Variants in INSL6 observed in about 807,000 individuals in gnomAD.
The protein encoded by INSL6 is insulin like 6.
INSL6 carries 16 observed loss-of-function variants against 9.4 expected under a neutral mutation model. The ratio of observed to expected loss-of-function variants is 1.70; its 90% CI spans 1.15 to 2.59. The LOEUF is 2.59. Ranked by LOEUF, INSL6 falls within the 30% of genes most tolerant of loss-of-function variation. The pLI, the probability that INSL6 is intolerant of heterozygous loss-of-function variation, is 0.00. For missense variants in INSL6, 391 were observed against 257.3 expected (o/e 1.52, Z -3.56); for synonymous variants, 154 against 96.9 (o/e 1.59, Z -3.46).
At chr9:5,130,404 A>G (rs887464623) in intron 3 of INSL6, among the ~76,000 whole-genome samples, 3 of 152,234 alleles carry the variant, frequency 2.0e-5, no homozygotes, top group Non-Finnish European at 2.9e-5. Flanking sequence ...CAGATAGATC[A>G]AGGTGGTATG....
At chr9:5,126,308 A>G in intron 3 of INSL6, 1 of 1,501,716 alleles carries the variant, frequency 6.7e-7, no homozygotes, top group Non-Finnish European at 9.2e-7. Flanking sequence ...ATGTACAAAA[A>G]ATATTGAAAG....
At chr9:5,042,159 C>G in the INSL6 span, among the ~76,000 whole-genome samples, 1 of 124,258 alleles carries the variant, frequency 8.0e-6, no homozygotes, top group African/African-American at 3.1e-5. Context: ...GAGACGGAGT[C>G]TCGCTTTGTC....
the INSL6 span, chr9:5,085,344 A>AT: frequency 2.0e-5 from 18 of 888,406 alleles, no homozygotes; most frequent in Middle Eastern, 2.2e-4. Context: ...CTATTCCTAC[A>AT]TTTTTTCCGT....
the INSL6 span, among the ~76,000 whole-genome samples, chr9:5,034,384 A>C: frequency 1.3e-5 from 2 of 152,208 alleles, no homozygotes; most frequent in South Asian, 2.1e-4. Flanking sequence ...CTCTGGACCA[A>C]GCAGACCTAA....
At chr9:4,997,904 T>C in the INSL6 span, among the ~76,000 whole-genome samples, 1 of 152,154 alleles carries the variant, frequency 6.6e-6, no homozygotes, top group Non-Finnish European at 1.5e-5. Context: ...TCCTTGTTTA[T>C]CCATAGGTGC....
chr9:5,042,010 C>T, the INSL6 span: 4 of 339,462 alleles, frequency 1.2e-5, no homozygotes, highest in African/African-American at 2.2e-5. Context: ...CCACCCACAG[C>T]GGCCCAGGGC....
the INSL6 span, chr9:5,098,660 A>G: frequency 6.6e-6 from 1 of 152,138 alleles, no homozygotes; most frequent in African/African-American, 2.4e-5. Context: ...TATTGAAGCT[A>G]TGAATATATA....
chr9:5,046,748 G>A, the INSL6 span, among the ~76,000 whole-genome samples: 2 of 152,122 alleles, frequency 1.3e-5, no homozygotes, highest in Admixed American at 1.3e-4. Context: ...TAGCCATTAT[G>A]AAAAGAGAGG....
At chr9:5,021,589 G>A in the INSL6 span, among the ~76,000 whole-genome samples, 3 of 152,154 alleles carry the variant, frequency 2.0e-5, no homozygotes, top group African/African-American at 7.2e-5. Flanking sequence ...TGTATGAAGG[G>A]TGCCTTATCA....
At chr9:5,063,959 C>T in the INSL6 span, among the ~76,000 whole-genome samples, 1 of 152,184 alleles carries the variant, frequency 6.6e-6, no homozygotes, top group Non-Finnish European at 1.5e-5. Flanking sequence ...AATTTGAGAC[C>T]AGCCTGGCCA....
intron 3 of INSL6, among the ~76,000 whole-genome samples, chr9:5,129,581 C>A (rs373778929): frequency 6.6e-6 from 1 of 151,942 alleles, no homozygotes; most frequent in Non-Finnish European, 1.5e-5. Flanking sequence ...AGTAAGTCAG[C>A]AGGATTATCC....
At chr9:5,178,234 G>T (rs1334801890) in intron 1 of INSL6, among the ~76,000 whole-genome samples, 1 of 152,102 alleles carries the variant, frequency 6.6e-6, no homozygotes, top group Non-Finnish European at 1.5e-5. Context: ...TCCTTGTAGG[G>T]GCTTCAGCCA....
the INSL6 span, among the ~76,000 whole-genome samples, chr9:5,015,752 T>C: frequency 1.3e-5 from 2 of 152,214 alleles, no homozygotes; most frequent in Non-Finnish European, 2.9e-5. Flanking sequence ...ATGCATTTTC[T>C]AAATGATTGA....
the INSL6 span, chr9:5,055,792 A>G: frequency 4.4e-6 from 7 of 1,607,908 alleles, no homozygotes; most frequent in Non-Finnish European, 6.0e-6. Context: ...AAATCTGGTA[A>G]GTTTGCTTTA....
intron 3 of INSL6, among the ~76,000 whole-genome samples, chr9:5,128,382 G>A (rs1456431494): frequency 6.6e-6 from 1 of 151,608 alleles, no homozygotes; most frequent in East Asian, 1.9e-4. Flanking sequence ...AGATTTTTTT[G>A]AAAGTTTAAT....
the INSL6 span, chr9:5,111,713 C>T: frequency 4.6e-6 from 2 of 433,356 alleles, no homozygotes. Context: ...TGGCGGCCTG[C>T]ACCAGCACGA....
the INSL6 span, among the ~76,000 whole-genome samples, chr9:5,060,126 T>C: frequency 2.0e-5 from 3 of 152,200 alleles, no homozygotes; most frequent in Admixed American, 6.5e-5. Flanking sequence ...CATTATGTCT[T>C]AAAAATTAAT....
the INSL6 span, among the ~76,000 whole-genome samples, chr9:5,059,809 A>T: frequency 6.6e-6 from 1 of 152,162 alleles, no homozygotes; most frequent in African/African-American, 2.4e-5. Context: ...ATGATGTTCA[A>T]TACTTTTTCA....
intron 2 of INSL6, among the ~76,000 whole-genome samples, chr9:5,137,754 A>G (rs537834852): frequency 1.3e-5 from 2 of 152,338 alleles, no homozygotes; most frequent in Non-Finnish European, 2.9e-5. Context: ...TAATTAAACT[A>G]AAGAGCTTCT....
Sources: allele counts gnomAD v4.1 joint callset (sites outside exome capture counted in the v4.1 genomes callset), GRCh38; gene constraint gnomAD v4.1.1; transcripts MANE v1.5; gene names NCBI Gene and HGNC (gene_info 2026-07-23, HGNC 2026-07-21).